The following SORCS3 variants were observed in gnomAD, a reference collection of about 807,000 sequenced individuals.
The protein encoded by SORCS3 is sortilin related VPS10 domain containing receptor 3, also known as VPS10 domain-containing receptor SorCS3.
In SORCS3, 57 loss-of-function variants were observed where a neutral mutation model predicts 146.3. That is an observed-to-expected ratio of 0.39 (90% CI 0.31 to 0.49). The LOEUF is 0.49. Ranked by LOEUF, SORCS3 falls within the 20% of genes least tolerant of loss-of-function variation. SORCS3 has a pLI of 0.92. For missense variants in SORCS3, 1,341 were observed against 1,575.5 expected (o/e 0.85, Z 2.52); for synonymous variants, 653 against 618.5 (o/e 1.06, Z -0.83).
At chr10:104,691,472 C>T (rs896714836) in intron 1 of SORCS3, among the ~76,000 whole-genome samples, 6 of 152,302 alleles carry the variant, frequency 3.9e-5, no homozygotes, top group Non-Finnish European at 7.4e-5. Context: ...GAAGTGTTTC[C>T]GGATTCATTC....
intron 2 of SORCS3, among the ~76,000 whole-genome samples, chr10:104,852,463 G>A (rs971839339): frequency 1.3e-5 from 2 of 152,180 alleles, no homozygotes; most frequent in Non-Finnish European, 2.9e-5. Context: ...CGTGGATTAT[G>A]AGAATCACCT....
intron 8 of SORCS3, among the ~76,000 whole-genome samples, chr10:105,139,872 T>C (rs1015587056): frequency 6.6e-6 from 1 of 152,128 alleles, no homozygotes; most frequent in African/African-American, 2.4e-5. Context: ...CACAGATAAG[T>C]CTGGTGGTTT....
chr10:105,046,305 C>T (rs1452069192), intron 5 of SORCS3, among the ~76,000 whole-genome samples: 1 of 152,062 alleles, frequency 6.6e-6, no homozygotes, highest in African/African-American at 2.4e-5. Context: ...GCTCCTGTGA[C>T]CCTGCGCAAA....
rs150445967 is a variant in SORCS3 at position 104,980,263 on chromosome 10, A to G, written c.954+2770A>G. Among the ~76,000 whole-genome samples the G allele has an allele frequency of 1.9e-3, 288 of 152,304 alleles. 1 individual carries two copies. Among genetic ancestry groups the G allele is most frequent in the African/African-American group, 6.4e-3 (267 of 41,558 alleles). On this transcript the variant is annotated intron_variant, in intron 4 of 26. Transcript: ENST00000369701. Reference sequence around the variant, plus strand: ...TGACATCTTTTGCGTAAAGTGGCTGAATGTTCTTCAGGCCCATAAAGTTTC... The same window carrying G: ...TGACATCTTTTGCGTAAAGTGGCTGGATGTTCTTCAGGCCCATAAAGTTTC...
intron 2 of SORCS3, among the ~76,000 whole-genome samples, chr10:104,904,802 T>C (rs1304992507): frequency 4.0e-5 from 6 of 151,752 alleles, no homozygotes; most frequent in African/African-American, 7.3e-5. Flanking sequence ...TTTTTTTTAA[T>C]TTAAGGGTAT....
chr10:104,734,696 A>G (rs1056287397), intron 1 of SORCS3, among the ~76,000 whole-genome samples: 3 of 152,244 alleles, frequency 2.0e-5, no homozygotes, highest in Admixed American at 6.5e-5. Context: ...ATCCCTCTCC[A>G]TAGCTTGCAC....
chr10:104,932,196 A>T (rs762033412), intron 3 of SORCS3, among the ~76,000 whole-genome samples: 4 of 152,246 alleles, frequency 2.6e-5, no homozygotes, highest in African/African-American at 9.6e-5. Flanking sequence ...CTTGGCATTA[A>T]TAGTTTCTAC....
rs959394995 is a variant in SORCS3, at chr10:104,889,656, C to T, written c.696-26177C>T. Among the ~76,000 whole-genome samples the T allele has an allele frequency of 1.3e-5, 2 of 152,062 alleles. 1 individual carries two copies. The highest frequency in any genetic ancestry group is 4.1e-4 in the South Asian group (2 of 4,828). ...GTATACTCTCCTTCCAGCCCTTGGACAATTAGAGGCATACATTTTATTTCT... is the reference window on the plus strand; with the variant it reads ...GTATACTCTCCTTCCAGCCCTTGGATAATTAGAGGCATACATTTTATTTCT... On this transcript the variant is annotated intron_variant, in intron 2 of 26. Transcript: ENST00000369701.
At chr10:104,928,262 G>T (rs575746425) in intron 3 of SORCS3, among the ~76,000 whole-genome samples, 71 of 152,234 alleles carry the variant, frequency 4.7e-4, no homozygotes, top group African/African-American at 1.6e-3. Flanking sequence ...GAAGGCTGGC[G>T]ACCAGCCTCT....
At chr10:105,074,241 G>A (rs1207739752) in intron 5 of SORCS3, among the ~76,000 whole-genome samples, 1 of 152,210 alleles carries the variant, frequency 6.6e-6, no homozygotes. Context: ...GTCCGTGTGA[G>A]CTGTGTTTGA....
At chr10:104,748,348 C>T (rs1032972370) in intron 1 of SORCS3, among the ~76,000 whole-genome samples, 5 of 152,088 alleles carry the variant, frequency 3.3e-5, no homozygotes, top group African/African-American at 9.7e-5. Context: ...AGAACCAGCC[C>T]GATAAAATCA....
chr10:105,085,584 A>G (rs999691188), intron 5 of SORCS3, among the ~76,000 whole-genome samples: 3 of 152,238 alleles, frequency 2.0e-5, no homozygotes, highest in Non-Finnish European at 2.9e-5. Flanking sequence ...TGAGTTGCAT[A>G]TATTTATAAA....
intron 6 of SORCS3, among the ~76,000 whole-genome samples, chr10:105,092,001 G>C (rs1408500730): frequency 1.3e-5 from 2 of 152,148 alleles, no homozygotes; most frequent in Non-Finnish European, 2.9e-5. Context: ...CCTGGTGTAG[G>C]AATCCCTTCT....
intron 4 of SORCS3, among the ~76,000 whole-genome samples, chr10:105,030,531 G>A (rs1415322282): frequency 6.6e-6 from 1 of 151,984 alleles, no homozygotes; most frequent in African/African-American, 2.4e-5. Flanking sequence ...CAAGGAACAA[G>A]GACAATCTAG....
intron 1 of SORCS3, among the ~76,000 whole-genome samples, chr10:104,830,020 T>G (rs1305756823): frequency 2.6e-5 from 4 of 152,150 alleles, no homozygotes; most frequent in Middle Eastern, 3.2e-3. Context: ...CCCACATGTA[T>G]TAGGTATTCG....
chr10:104,967,728 G>A (rs558364546), intron 3 of SORCS3, among the ~76,000 whole-genome samples: 6 of 152,200 alleles, frequency 3.9e-5, no homozygotes, highest in African/African-American at 9.6e-5. Context: ...AGGCTGGAGT[G>A]TAGTGGTGTG....
intron 1 of SORCS3, among the ~76,000 whole-genome samples, chr10:104,693,362 C>G (rs1589459972): frequency 6.6e-6 from 1 of 152,156 alleles, no homozygotes; most frequent in East Asian, 1.9e-4. Flanking sequence ...GTGAAATGCA[C>G]CAGAGGATAG....
intron 1 of SORCS3, among the ~76,000 whole-genome samples, chr10:104,804,218 G>T (rs1008310680): frequency 4.6e-5 from 7 of 152,208 alleles, no homozygotes; most frequent in Non-Finnish European, 1.0e-4. Context: ...TTGAAGATGA[G>T]GAGGCAGGTG....
intron 7 of SORCS3, among the ~76,000 whole-genome samples, chr10:105,122,524 T>C (rs1187525613): frequency 1.3e-5 from 2 of 152,192 alleles, no homozygotes; most frequent in Non-Finnish European, 2.9e-5. Flanking sequence ...GACTGATTCA[T>C]TCATTCATCC....
Sources: allele counts gnomAD v4.1 joint callset (sites outside exome capture counted in the v4.1 genomes callset), GRCh38; gene constraint gnomAD v4.1.1; transcripts MANE v1.5; gene names NCBI Gene and HGNC (gene_info 2026-07-23, HGNC 2026-07-21).